NALF1: variants seen among roughly 807,000 people sequenced by gnomAD.
NALF1 encodes the protein NALCN channel auxiliary factor 1, also known as family with sequence similarity 155 member A.
Under a neutral mutation model 48.4 loss-of-function variants are expected in NALF1, and 3 were observed. The observed-to-expected ratio is 0.06, with a 90% confidence interval of 0.03 to 0.16. The LOEUF is 0.16. Among genes scored for constraint, NALF1 ranks in the 10% least tolerant of loss-of-function variants. NALF1 has a pLI of 1.00. For synonymous variants in NALF1, 262 were observed against 245.7 expected (o/e 1.07, Z -0.62); for missense variants, 526 against 571.5 (o/e 0.92, Z 0.81).
chr13:107,711,692 G>A (rs1875597297), intron 1 of NALF1, among the ~76,000 whole-genome samples: 2 of 152,204 alleles, frequency 1.3e-5, no homozygotes, highest in African/African-American at 4.8e-5. Context: ...GGTCTGTGTG[G>A]TAGATTTTCT....
intron 1 of NALF1, among the ~76,000 whole-genome samples, chr13:107,422,361 T>A (rs1463963189): frequency 6.6e-6 from 1 of 152,164 alleles, no homozygotes; most frequent in Admixed American, 6.6e-5. Context: ...AATCAACAAC[T>A]GTCCACTGAC....
At chr13:107,624,846 T>C (rs1431478368) in intron 1 of NALF1, among the ~76,000 whole-genome samples, 2 of 152,194 alleles carry the variant, frequency 1.3e-5, no homozygotes, top group African/African-American at 4.8e-5. Flanking sequence ...GAAAGAGATA[T>C]GAGATTATGA....
At chr13:107,707,264 G>C (rs888832673) in intron 1 of NALF1, among the ~76,000 whole-genome samples, 2 of 152,126 alleles carry the variant, frequency 1.3e-5, no homozygotes, top group Non-Finnish European at 2.9e-5. Flanking sequence ...ATTTCAGGTA[G>C]GCTGAAATAA....
At chr13:107,279,092 G>A (rs1470932072) in intron 1 of NALF1, among the ~76,000 whole-genome samples, 3 of 120,612 alleles carry the variant, frequency 2.5e-5, no homozygotes, top group African/African-American at 9.6e-5. Flanking sequence ...CTCAAACTCT[G>A]AATTTCTACA....
intron 1 of NALF1, among the ~76,000 whole-genome samples, chr13:107,502,799 G>C (rs1203137953): frequency 6.6e-6 from 1 of 152,148 alleles, no homozygotes; most frequent in Non-Finnish European, 1.5e-5. Context: ...AAATATAGCT[G>C]AATTAATTTT....
intron 1 of NALF1, among the ~76,000 whole-genome samples, chr13:107,535,671 A>C (rs890596490): frequency 6.6e-6 from 1 of 152,180 alleles, no homozygotes; most frequent in Non-Finnish European, 1.5e-5. Flanking sequence ...TTATAGATTT[A>C]ATGCCATCCC....
At chr13:107,740,095 A>G (rs1245276089) in intron 1 of NALF1, among the ~76,000 whole-genome samples, 1 of 152,186 alleles carries the variant, frequency 6.6e-6, no homozygotes, top group Non-Finnish European at 1.5e-5. Flanking sequence ...CCTCTCCCCC[A>G]GTCTGTGGAA....
chr13:107,480,253 G>A (rs1178825465), intron 1 of NALF1, among the ~76,000 whole-genome samples: 1 of 152,116 alleles, frequency 6.6e-6, no homozygotes, highest in Non-Finnish European at 1.5e-5. Flanking sequence ...ATGAGTGGAG[G>A]AGCTGAATTG....
chr13:107,745,228 G>C (rs965357292), intron 1 of NALF1, among the ~76,000 whole-genome samples: 8 of 152,182 alleles, frequency 5.3e-5, no homozygotes, highest in Non-Finnish European at 1.0e-4. Flanking sequence ...AGCACCTGTA[G>C]AAAGTGACAC....
intron 1 of NALF1, among the ~76,000 whole-genome samples, chr13:107,227,321 T>A (rs1880126499): frequency 6.6e-6 from 1 of 152,230 alleles, no homozygotes; most frequent in Non-Finnish European, 1.5e-5. Context: ...TGTCTAGCAT[T>A]GAGTGTGCCT....
At chr13:107,268,213 C>G (rs1441528519) in intron 1 of NALF1, among the ~76,000 whole-genome samples, 1 of 152,074 alleles carries the variant, frequency 6.6e-6, no homozygotes, top group Non-Finnish European at 1.5e-5. Flanking sequence ...TGGTCTCAAT[C>G]TCTTGACCTC....
chr13:107,810,332 A>T (rs1878949346), intron 1 of NALF1, among the ~76,000 whole-genome samples: 1 of 152,014 alleles, frequency 6.6e-6, no homozygotes. Context: ...TGTCACTAAC[A>T]ATTTATCTCA....
At chr13:107,696,422 G>A (rs139939556) in intron 1 of NALF1, among the ~76,000 whole-genome samples, 10 of 152,186 alleles carry the variant, frequency 6.6e-5, no homozygotes, top group African/African-American at 2.4e-4. Context: ...TACACAAATG[G>A]GAAACTGTAT....
At chr13:107,694,472 G>T (rs140233440) in intron 1 of NALF1, among the ~76,000 whole-genome samples, 2 of 152,242 alleles carry the variant, frequency 1.3e-5, no homozygotes, top group African/African-American at 4.8e-5. Context: ...GCATAGGAAT[G>T]AATTATTGAA....
In NALF1 at chr13:107,562,423, G is replaced by A. The variant is rs1424815547; in HGVS notation, c.915+303259C>T. ...AAGATAGGAGATTGTAAGCTCTGCA[G>A]TCCCTGGACTCCTGCTGGCTCCGAC... On this transcript the variant is annotated intron_variant, in intron 1 of 2. Coordinates refer to ENST00000375915, the MANE Select transcript of NALF1 (RefSeq NM_001080396.3). Among the ~76,000 whole-genome samples, 3 of 152,210 alleles carry A rather than the reference G, an allele frequency of 2.0e-5. No individual in the cohort carries two copies. The South Asian group carries it at 6.2e-4, about 31-fold the overall frequency.
At chr13:107,725,923 T>G (rs1168888390) in intron 1 of NALF1, among the ~76,000 whole-genome samples, 1 of 152,146 alleles carries the variant, frequency 6.6e-6, no homozygotes, top group Admixed American at 6.5e-5. Context: ...GCTGGGTGTT[T>G]CTTTGATCAT....
intron 1 of NALF1, among the ~76,000 whole-genome samples, chr13:107,606,768 G>C (rs1879084143): frequency 1.3e-5 from 2 of 152,156 alleles, no homozygotes; most frequent in African/African-American, 4.8e-5. Flanking sequence ...AAGCTGAATA[G>C]TGAGTTGGTT....
intron 1 of NALF1, among the ~76,000 whole-genome samples, chr13:107,831,701 C>A (rs1365580570): frequency 1.3e-5 from 2 of 152,118 alleles, no homozygotes; most frequent in Non-Finnish European, 2.9e-5. Flanking sequence ...TCAGGGAAGA[C>A]ATTTAAGCTT....
At chr13:107,856,845 A>G (rs979208394) in intron 1 of NALF1, among the ~76,000 whole-genome samples, 1 of 152,082 alleles carries the variant, frequency 6.6e-6, no homozygotes, top group Non-Finnish European at 1.5e-5. Flanking sequence ...CTCCCATCCC[A>G]TTTGTACATC....
Sources: gnomAD v4.1 joint callset for allele counts (sites outside exome capture counted in the v4.1 genomes callset) on GRCh38, gnomAD v4.1.1 for gene constraint, MANE v1.5 for transcripts, NCBI Gene and HGNC (gene_info 2026-07-23, HGNC 2026-07-21) for gene names.